The following ZNF521 variants were observed in gnomAD, a reference collection of about 807,000 sequenced individuals.
ZNF521 encodes zinc finger protein 521.
In ZNF521, 14 loss-of-function variants were observed where a neutral mutation model predicts 105.5. The ratio of observed to expected loss-of-function variants is 0.13; its 90% CI spans 0.09 to 0.21. The LOEUF is 0.21. Among genes scored for constraint, ZNF521 ranks in the 10% least tolerant of loss-of-function variants. ZNF521 has a pLI of 1.00. For synonymous variants in ZNF521, 635 were observed against 606.0 expected, an observed-to-expected ratio of 1.05 and a Z score of -0.70; for missense variants, 1,233 against 1,629.7, an observed-to-expected ratio of 0.76 and a Z score of 4.19.
chr18:25,225,743 G>C lies in ZNF521; in HGVS notation c.2175C>G (p.Thr725=), dbSNP rs1388423209. The change falls in exon 4 of 8, where the codon ACC becomes ACG. Residue 725 remains threonine, a synonymous_variant. Coordinates refer to ENST00000361524, the MANE Select transcript of ZNF521 (RefSeq NM_015461.3). The surrounding 1 kb of genome is among the most constrained non-coding windows in gnomAD (Gnocchi z 5.6). ...TTGAGTCAAAAACTTCCTGGCAGAGGGTGCAGCGAAAGAAGACAAAGGTGT... is the reference window on the plus strand; with the variant it reads ...TTGAGTCAAAAACTTCCTGGCAGAGCGTGCAGCGAAAGAAGACAAAGGTGT... ...DMHTFVFFRC[T]LCQEVFDSKV... 6.2e-7 allele frequency: 1 copy of C among 1,614,174 alleles called. No individual in the cohort carries two copies. Among genetic ancestry groups the C allele is most frequent in the Non-Finnish European group, 8.5e-7 (1 of 1,180,024 alleles).
At chr18:25,300,901 A>C (rs1456852717) in intron 3 of ZNF521, among the ~76,000 whole-genome samples, 1 of 152,196 alleles carries the variant, frequency 6.6e-6, no homozygotes, top group East Asian at 1.9e-4. Flanking sequence ...AATGGTGAGA[A>C]ACATTTATGT....
In ZNF521 at chr18:25,352,052, T is replaced by G. The variant is rs369362693; in HGVS notation, c.-49A>C. ...GTCGCTCCGGTAGTCCACATAATAATGGAAAATGGAAGCAAGGCCCCCAAA... is the reference window on the plus strand; with the variant it reads ...GTCGCTCCGGTAGTCCACATAATAAGGGAAAATGGAAGCAAGGCCCCCAAA... On this transcript the variant is annotated 5_prime_UTR_variant, in exon 1 of 8. Coordinates refer to ENST00000361524, the MANE Select transcript of ZNF521 (RefSeq NM_015461.3). 2.0e-6 allele frequency: 1 copy of G among 497,140 alleles called. No individual in the cohort carries two copies. The highest frequency in any genetic ancestry group is 2.0e-5 in the African/African-American group (1 of 50,790). 30.8% of individuals were successfully genotyped at this position (497,140 alleles called of 1,614,324 possible). A position where few individuals can be genotyped will look rare whatever the true frequency, so the allele number is the denominator to read the frequency against.
chr18:25,278,229 T>G (rs1910154898), intron 3 of ZNF521, among the ~76,000 whole-genome samples: 1 of 152,230 alleles, frequency 6.6e-6, no homozygotes, highest in African/African-American at 2.4e-5. Flanking sequence ...TGAATAGCAC[T>G]TAAAATCTCA....
At chr18:25,066,509 G>C (rs1397623590) in intron 7 of ZNF521, among the ~76,000 whole-genome samples, 2 of 152,206 alleles carry the variant, frequency 1.3e-5, no homozygotes, top group Non-Finnish European at 2.9e-5. Context: ...CGAAGTCCTA[G>C]TCTCTGGTCT....
At chr18:25,273,791 T>A (rs995546747) in intron 3 of ZNF521, among the ~76,000 whole-genome samples, 5 of 152,208 alleles carry the variant, frequency 3.3e-5, no homozygotes, top group Admixed American at 1.3e-4. Context: ...TCTACCACAA[T>A]GTTGCATCTT....
intron 3 of ZNF521, among the ~76,000 whole-genome samples, chr18:25,291,809 T>C (rs1471313255): frequency 6.6e-6 from 1 of 152,022 alleles, no homozygotes. Context: ...CTCGAGAAAA[T>C]AGAATTTCTG....
chr18:25,254,871 C>T lies in ZNF521; in HGVS notation c.221-27174G>A, dbSNP rs115652767. Among the ~76,000 whole-genome samples the T allele has an allele frequency of 5.5e-3, 833 of 152,194 alleles. 7 individuals are homozygous for T. The highest frequency in any genetic ancestry group is 0.019 in the African/African-American group (776 of 41,538). On this transcript the variant is annotated intron_variant, in intron 3 of 7. Coordinates refer to ENST00000361524, the MANE Select transcript of ZNF521 (RefSeq NM_015461.3). ...GGACTTCTATAATGGAATGGTACCA[C>T]CCCTAAGAAAGAGTCTGAAAAATGA...
intron 5 of ZNF521, among the ~76,000 whole-genome samples, chr18:25,106,004 TG>T (rs895725859): frequency 6.6e-6 from 1 of 152,140 alleles, no homozygotes; most frequent in Admixed American, 6.5e-5. Flanking sequence ...GCCAAAAATG[TG>T]GTATTCGTTT....
chr18:25,349,357 T>C (rs1479666324), intron 2 of ZNF521, among the ~76,000 whole-genome samples: 1 of 152,070 alleles, frequency 6.6e-6, no homozygotes, highest in African/African-American at 2.4e-5. Flanking sequence ...AGGCCCTGGG[T>C]CTAGGTTTCC....
chr18:25,218,386 C>G (rs946188384), intron 4 of ZNF521, among the ~76,000 whole-genome samples: 2 of 149,438 alleles, frequency 1.3e-5, no homozygotes, highest in Non-Finnish European at 3.0e-5. Flanking sequence ...TGGCTGGGTG[C>G]AGTGACTCAC....
intron 5 of ZNF521, among the ~76,000 whole-genome samples, chr18:25,144,028 C>G (rs1043812096): frequency 2.0e-5 from 3 of 152,036 alleles, no homozygotes; most frequent in Admixed American, 6.6e-5. Flanking sequence ...TTAGAAAATG[C>G]TTGTATTTTA....
At chr18:25,212,718 T>C (rs1485186138) in intron 4 of ZNF521, among the ~76,000 whole-genome samples, 2 of 151,072 alleles carry the variant, frequency 1.3e-5, no homozygotes, top group East Asian at 3.9e-4. Flanking sequence ...ATTCAAGTCT[T>C]TTAAAATATT....
chr18:25,080,306 CGGA>C (rs2033465047), intron 7 of ZNF521, among the ~76,000 whole-genome samples: 1 of 152,180 alleles, frequency 6.6e-6, no homozygotes, highest in Non-Finnish European at 1.5e-5. Flanking sequence ...TTTAAAGCCT[CGGA>C]GTTGCTGTTC....
intron 5 of ZNF521, among the ~76,000 whole-genome samples, chr18:25,162,747 T>C (rs955946033): frequency 6.6e-6 from 1 of 152,186 alleles, no homozygotes; most frequent in Non-Finnish European, 1.5e-5. Flanking sequence ...TAAATAGCAG[T>C]AATTGAAATA....
At chr18:25,207,164 C>T (rs148357458) in intron 4 of ZNF521, among the ~76,000 whole-genome samples, 5 of 152,176 alleles carry the variant, frequency 3.3e-5, no homozygotes, top group African/African-American at 7.2e-5. Flanking sequence ...AGGATTGAAA[C>T]GGACAAGTAA....
chr18:25,144,680 G>GAA (rs71266975), intron 5 of ZNF521, among the ~76,000 whole-genome samples: 10 of 149,344 alleles, frequency 6.7e-5, no homozygotes, highest in African/African-American at 2.4e-4. Context: ...AGGCTTTAAA[G>GAA]AAAAAAAAAA....
At chr18:25,230,412 G>A (rs538688476) in intron 3 of ZNF521, among the ~76,000 whole-genome samples, 1 of 152,254 alleles carries the variant, frequency 6.6e-6, no homozygotes, top group East Asian at 1.9e-4. Flanking sequence ...ACACTCTTCA[G>A]GTATCAGACT....
chr18:25,165,419 G>A (rs1478513494), intron 5 of ZNF521, among the ~76,000 whole-genome samples: 4 of 152,176 alleles, frequency 2.6e-5, no homozygotes, highest in Non-Finnish European at 5.9e-5. Flanking sequence ...CACTGTTTGC[G>A]CTGTTGGAAC....
intron 7 of ZNF521, among the ~76,000 whole-genome samples, chr18:25,086,064 G>T (rs2033616664): frequency 6.6e-6 from 1 of 151,914 alleles, no homozygotes; most frequent in Non-Finnish European, 1.5e-5. Flanking sequence ...GAACTTTGGT[G>T]GCATAAAAAA....
Sources: gnomAD v4.1 joint callset for allele counts (sites outside exome capture counted in the v4.1 genomes callset) on GRCh38, gnomAD v4.1.1 for gene constraint, Gnocchi (gnomAD v3.1) non-coding constraint, MANE v1.5 for transcripts, NCBI Gene and HGNC (gene_info 2026-07-23, HGNC 2026-07-21) for gene names.